Variants in PCDHGA1 observed in about 807,000 individuals in gnomAD.
The protein encoded by PCDHGA1 is protocadherin gamma subfamily A, 1, also known as protocadherin gamma-A1.
In PCDHGA1, 32 loss-of-function variants were observed where a neutral mutation model predicts 58.0. The ratio of observed to expected loss-of-function variants is 0.55; its 90% CI spans 0.42 to 0.74. PCDHGA1 has a LOEUF of 0.74. Ranked by LOEUF, PCDHGA1 falls within the 30% of genes least tolerant of loss-of-function variation. The pLI, the probability that PCDHGA1 is intolerant of heterozygous loss-of-function variation, is 0.00. For missense variants in PCDHGA1, 1,205 were observed against 1,182.3 expected, an observed-to-expected ratio of 1.02 and a Z score of -0.28; for synonymous variants, 498 against 501.1, an observed-to-expected ratio of 0.99 and a Z score of 0.08.
intron 1 of PCDHGA1, chr5:141,383,576 C>T (rs1298305290): frequency 6.2e-7 from 1 of 1,613,446 alleles, no homozygotes; most frequent in Non-Finnish European, 8.5e-7. Flanking sequence ...TCCAGCACCG[C>T]CCACATCCAG....
intron 1 of PCDHGA1, among the ~76,000 whole-genome samples, chr5:141,445,834 T>G (rs1310067225): frequency 6.6e-6 from 1 of 152,218 alleles, no homozygotes; most frequent in Middle Eastern, 3.2e-3. Context: ...GGGAGAGCCT[T>G]GTAAATCACA....
chr5:141,377,373 A>G (rs1416774435), intron 1 of PCDHGA1: 1 of 152,200 alleles, frequency 6.6e-6, no homozygotes, highest in Non-Finnish European at 1.5e-5. Context: ...CAGGAGGCTG[A>G]GGCAGGAGGA....
At chr5:141,351,871 G>T in intron 1 of PCDHGA1, 1 of 1,613,256 alleles carries the variant, frequency 6.2e-7, no homozygotes, top group Non-Finnish European at 8.5e-7. Context: ...GCTCCCCCGC[G>T]CTCAGCGCCA....
In PCDHGA1 at chr5:141,405,080, A is replaced by T. The variant is rs1382053021; in HGVS notation, c.2421+71975A>T. 2.5e-6 allele frequency: 4 copies of T among 1,613,560 alleles called. No individual in the cohort carries two copies. In the East Asian group the frequency reaches 6.7e-5, roughly 27 times the overall value. On this transcript the variant is annotated intron_variant, in intron 1 of 3. Coordinates refer to ENST00000517417, the MANE Select transcript of PCDHGA1 (RefSeq NM_018912.3). ...CTGTGTCTTCCTCACCTTCGTTATC[A>T]CGCTGCTGGCCCTCAGGCTGAGGCA...
At chr5:141,430,841 T>C (rs757539834) in intron 1 of PCDHGA1, 1 of 1,566,462 alleles carries the variant, frequency 6.4e-7, no homozygotes, top group South Asian at 1.2e-5. Flanking sequence ...GGAGACCGGA[T>C]GCACCCAGAT....
intron 1 of PCDHGA1, chr5:141,344,212 C>T: frequency 6.2e-7 from 1 of 1,613,992 alleles, no homozygotes; most frequent in Non-Finnish European, 8.5e-7. Flanking sequence ...CGGGAGCTGG[C>T]GGAGCGCGGA....
rs755930967 is a variant in PCDHGA1, at chr5:141,388,629, G to C, written c.2421+55524G>C. On this transcript the variant is annotated intron_variant, in intron 1 of 3. Transcript: ENST00000517417. ...AGTGTTCAGTCAAGACGTATACAGG[G>C]TGAGCCTTTCAGAAAACGTGTACCC... 13 of 1,613,824 alleles carry C rather than the reference G, an allele frequency of 8.1e-6. No individual in the cohort carries two copies. Among genetic ancestry groups the C allele is most frequent in the African/African-American group, 1.3e-5 (1 of 74,914 alleles).
At chr5:141,371,631 G>A in intron 1 of PCDHGA1, 5 of 1,614,006 alleles carry the variant, frequency 3.1e-6, no homozygotes, top group Non-Finnish European at 3.4e-6. Flanking sequence ...CCTGGACCGG[G>A]AGCAGATCCC....
At chr5:141,404,892 A>T in intron 1 of PCDHGA1, 1 of 1,613,880 alleles carries the variant, frequency 6.2e-7, no homozygotes, top group African/African-American at 1.3e-5. Context: ...GTGGCTGTAC[A>T]GGACCATGGC....
chr5:141,343,909 A>T lies in PCDHGA1; in HGVS notation c.2421+10804A>T, dbSNP rs1757339964. On this transcript the variant is annotated intron_variant, in intron 1 of 3. Coordinates refer to ENST00000517417, the MANE Select transcript of PCDHGA1 (RefSeq NM_018912.3). The stretch of plus-strand genomic sequence containing the variant: ...GGGGCGGCTGCCAACCTCACCTCTT[A>T]GTCAACCAGCTGTTTGACCTGTGAA... 4.6e-6 allele frequency: 4 copies of T among 877,246 alleles called. No individual in the cohort carries two copies. In the East Asian group the frequency reaches 1.1e-4, roughly 23 times the overall value. The allele number at this position is 877,246 out of a possible 1,614,324, so 54.3% of individuals were successfully genotyped here.
At chr5:141,483,907 C>A (rs545585133) in intron 1 of PCDHGA1, among the ~76,000 whole-genome samples, 1 of 151,240 alleles carries the variant, frequency 6.6e-6, no homozygotes, top group East Asian at 1.9e-4. Context: ...TGGTGTGTTT[C>A]CCACTCAGAT....
intron 1 of PCDHGA1, chr5:141,417,573 C>A: frequency 2.7e-6 from 1 of 377,070 alleles, no homozygotes; most frequent in Non-Finnish European, 4.7e-6. Flanking sequence ...AGTCAAGTTG[C>A]AGTCCCACAC....
chr5:141,392,892 G>C, intron 1 of PCDHGA1: 1 of 1,613,702 alleles, frequency 6.2e-7, no homozygotes, highest in East Asian at 2.2e-5. Flanking sequence ...GTGGGAAATC[G>C]GGAGGGGACA....
intron 1 of PCDHGA1, among the ~76,000 whole-genome samples, chr5:141,359,701 T>C (rs1588542297): frequency 1.3e-5 from 2 of 152,140 alleles, no homozygotes; most frequent in African/African-American, 2.4e-5. Context: ...TCCGGAAGGA[T>C]ACCTAAGAAA....
intron 1 of PCDHGA1, chr5:141,351,853 G>A (rs563575027): frequency 2.5e-6 from 4 of 1,613,036 alleles, no homozygotes; most frequent in South Asian, 1.1e-5. Context: ...TGCAGGCCAG[G>A]GACCAGGGCT....
intron 1 of PCDHGA1, chr5:141,417,798 C>G (rs2096163233): frequency 6.7e-7 from 1 of 1,486,352 alleles, no homozygotes; most frequent in African/African-American, 1.4e-5. Flanking sequence ...GCTCTTTTAG[C>G]GCGGTAGAGT....
intron 1 of PCDHGA1, chr5:141,393,809 A>G (rs566306926): frequency 1.9e-6 from 3 of 1,613,982 alleles, no homozygotes; most frequent in African/African-American, 1.3e-5. Context: ...GGAGGACCAA[A>G]TTGCTCATTT....
chr5:141,460,834 A>G (rs757757290), intron 1 of PCDHGA1, among the ~76,000 whole-genome samples: 11 of 151,874 alleles, frequency 7.2e-5, no homozygotes, highest in Non-Finnish European at 1.3e-4. Context: ...CACTTAAAGT[A>G]ATGGCCTCCA....
chr5:141,385,164 T>C (rs758100484), intron 1 of PCDHGA1: 3 of 1,614,168 alleles, frequency 1.9e-6, no homozygotes, highest in Middle Eastern at 1.6e-4. Flanking sequence ...CCTATTCCCA[T>C]GAGGTCTCCC....
Sources: allele counts gnomAD v4.1 joint callset (sites outside exome capture counted in the v4.1 genomes callset), GRCh38; gene constraint gnomAD v4.1.1; transcripts MANE v1.5; gene names NCBI Gene and HGNC (gene_info 2026-07-23, HGNC 2026-07-21).